The following GABPA variants were observed in gnomAD, a reference collection of about 807,000 sequenced individuals.
GABPA encodes GA binding protein transcription factor subunit alpha, also known as GA-binding protein alpha chain.
A neutral mutation model predicts 59.4 loss-of-function variants in GABPA; 4 were observed. The ratio of observed to expected loss-of-function variants is 0.07; its 90% confidence interval spans 0.03 to 0.15. The LOEUF (loss-of-function observed/expected upper bound fraction) is 0.15. GABPA is among the 10% of genes least tolerant of loss of function. The probability of loss-of-function intolerance (pLI) is 1.00; values close to 1 mark genes in which losing one functional copy is unlikely to be tolerated. For missense variants in GABPA, 251 were observed against 543.8 expected (o/e 0.46, Z 5.36); for synonymous variants, 164 against 183.1 (o/e 0.90, Z 0.84).
intron 1 of GABPA, among the ~76,000 whole-genome samples, chr21:25,737,454 T>G (rs1169263937): frequency 6.6e-6 from 1 of 152,246 alleles, no homozygotes; most frequent in Non-Finnish European, 1.5e-5. Flanking sequence ...TGACAGATCA[T>G]TTAAGAAACT....
rs2035441358 is a variant in GABPA at position 25,749,066 on chromosome 21, G to A, written c.253G>A (p.Gly85Arg). Residue 85 changes from glycine to arginine, a missense_variant, in exon 4 of 10, where the codon GGA (glycine) becomes AGA (arginine). Transcript: ENST00000400075. ...LDPERSLFDQGVKTDGTVQLS... is the reference protein window; with the variant it reads ...LDPERSLFDQRVKTDGTVQLS... ...TCCAGAACGAAGTTTATTTGACCAA[G>A]GAGTAAAAACAGATGGAACTGTACA... The A allele has an allele frequency of 6.2e-7, 1 of 1,609,368 alleles. No individual in the cohort carries two copies. Among genetic ancestry groups the A allele is most frequent in the Non-Finnish European group, 8.5e-7 (1 of 1,176,220 alleles).
rs71651624 is a variant in GABPA, at chr21:25,759,726, TC to T, written c.748+1523del. ...CCTGGTTGAAGCTTTGTCCTTGGTT[TC>T]ACAGATTTCCTTCCCTGCAGAGGTT... On this transcript the variant is annotated intron_variant, in intron 6 of 9. Transcript: ENST00000400075. Among the ~76,000 whole-genome samples, 235 of 152,316 alleles carry T rather than the reference TC, an allele frequency of 1.5e-3. 1 individual carries two copies. The highest frequency in any genetic ancestry group is 3.8e-3 in the African/African-American group (159 of 41,576).
At position 25,762,314 on chromosome 21, in the gene GABPA, G is replaced by A. The variant is rs751052998; in HGVS notation, c.751G>A (p.Val251Ile). The stretch of plus-strand genomic sequence containing the variant: ...CAAAAAATTTTTGTTTTTTTCAGAT[G>A]TATTGGCAAGTCAAGAACAACAGAT... Reference protein sequence around the residue: ...WSHLELLRKYVLASQEQQMNE... With the variant: ...WSHLELLRKYILASQEQQMNE... The change falls in exon 7 of 10, where the codon GTA becomes ATA. Residue 251 changes from valine (V) to isoleucine (I), a missense_variant and splice_region_variant. By Grantham distance (29) the Val-to-Ile change is conservative. Transcript: ENST00000400075. 1 of 1,558,052 alleles carries A rather than the reference G, an allele frequency of 6.4e-7. No homozygotes were observed. The highest frequency in any genetic ancestry group is 1.7e-4 in the Middle Eastern group (1 of 5,816).
At chr21:25,749,324 A>G (rs895480005) in intron 4 of GABPA, among the ~76,000 whole-genome samples, 3 of 152,206 alleles carry the variant, frequency 2.0e-5, no homozygotes, top group Non-Finnish European at 4.4e-5. Flanking sequence ...TCATAAAAGG[A>G]TATATTATAT....
At chr21:25,755,751 C>A (rs571406735) in intron 5 of GABPA, among the ~76,000 whole-genome samples, 5 of 152,182 alleles carry the variant, frequency 3.3e-5, no homozygotes, top group Middle Eastern at 3.4e-3. Context: ...ATTTAACTGG[C>A]CCCCCAAATG....
At chr21:25,752,335 T>C (rs1351540335) in intron 5 of GABPA, 101 bp downstream of exon 5, 8 of 1,175,278 alleles carry the variant, frequency 6.8e-6, no homozygotes, top group African/African-American at 1.6e-5. Context: ...TGTAGAGTTA[T>C]TAGGATGAAT....
chr21:25,745,223 A>G lies in GABPA; in HGVS notation c.91A>G (p.Thr31Ala). Residue 31 changes from threonine (T) to alanine (A), a missense_variant, in exon 3 of 10, where the codon ACC (threonine) becomes GCC (alanine). By Grantham distance (58) the Thr-to-Ala change is moderately conservative (BLOSUM62 0). Coordinates refer to ENST00000400075, the MANE Select transcript of GABPA (RefSeq NM_002040.4). ...TTTAACATTTAGCATTGTAGAACAAACCTACGCGCCAGCTGAATGTGTAAG... is the reference window on the plus strand; with the variant it reads ...TTTAACATTTAGCATTGTAGAACAAGCCTACGCGCCAGCTGAATGTGTAAG... ...ECTEESIVEQ[T>A]YAPAECVSQA... 1 of 1,613,164 alleles carries G rather than the reference A, an allele frequency of 6.2e-7. No homozygotes were observed.
At chr21:25,764,150 T>A in intron 7 of GABPA, 60 bp from the exon 8 acceptor site, 3 of 547,694 alleles carry the variant, frequency 5.5e-6, no homozygotes, top group Non-Finnish European at 7.8e-6. Flanking sequence ...CTTTCAGTAA[T>A]TTTTTTTTTT....
Position 25,758,127 on chromosome 21 carries a change from G to C in GABPA, c.671G>C (p.Ser224Thr). ...TLNISGRELC[S>T]LNQEDFFQRV... ...AACATTTCGGGGAGAGAATTATGTAGTCTCAACCAAGAAGATTTTTTTCAG... is the reference window on the plus strand; with the variant it reads ...AACATTTCGGGGAGAGAATTATGTACTCTCAACCAAGAAGATTTTTTTCAG... The change falls in exon 6 of 10, where the codon AGT becomes ACT. Residue 224 changes from serine to threonine, a missense_variant. Physicochemically the swap from Ser to Thr is moderately conservative, Grantham distance 58 (BLOSUM62 1). Transcript: ENST00000400075. 1 of 1,611,164 alleles carries C rather than the reference G, an allele frequency of 6.2e-7. No individual in the cohort carries two copies. Among genetic ancestry groups the C allele is most frequent in the Non-Finnish European group, 8.5e-7 (1 of 1,178,812 alleles).
chr21:25,754,407 G>T (rs984654474), intron 5 of GABPA, among the ~76,000 whole-genome samples: 3 of 152,054 alleles, frequency 2.0e-5, no homozygotes. Flanking sequence ...TGAATCTCTT[G>T]AGTTGATCTG....
intron 4 of GABPA, among the ~76,000 whole-genome samples, chr21:25,751,516 A>G (rs1262443919): frequency 6.6e-6 from 1 of 151,820 alleles, no homozygotes; most frequent in Non-Finnish European, 1.5e-5. Flanking sequence ...TAAATTTGGC[A>G]TAATTTTTAA....
chr21:25,744,452 G>A (rs1000853786), intron 2 of GABPA, among the ~76,000 whole-genome samples: 2 of 152,086 alleles, frequency 1.3e-5, no homozygotes, highest in Non-Finnish European at 2.9e-5. Context: ...AATGCATACT[G>A]TTTTTGACAA....
At chr21:25,745,068 AGCCT>A (rs71327962) in intron 2 of GABPA, 138 bp from the exon 3 acceptor site, 31,737 of 783,558 alleles carry the variant, frequency 0.041, 823 homozygotes, top group Non-Finnish European at 0.051. Context: ...GTTGGTGATG[AGCCT>A]GCCACAGTAT....
intron 1 of GABPA, among the ~76,000 whole-genome samples, chr21:25,737,322 G>A (rs1361034330): frequency 6.6e-6 from 1 of 152,178 alleles, no homozygotes; most frequent in Non-Finnish European, 1.5e-5. Context: ...AAAGAGATAA[G>A]ACTCACTCAA....
intron 2 of GABPA, 91 bp from the exon 3 acceptor site, chr21:25,745,116 GTGT>G: frequency 7.4e-7 from 1 of 1,346,794 alleles, no homozygotes; most frequent in Non-Finnish European, 1.0e-6. Flanking sequence ...GACCAGAAAT[GTGT>G]TTTGGTTTGG....
At chr21:25,759,057 A>G (rs568706254) in intron 6 of GABPA, among the ~76,000 whole-genome samples, 88 of 152,270 alleles carry the variant, frequency 5.8e-4, no homozygotes, top group African/African-American at 2.0e-3. Flanking sequence ...TGACAGAGCA[A>G]GAGTCTCAAT....
intron 7 of GABPA, 80 bp from the exon 8 acceptor site, chr21:25,764,130 G>A: frequency 7.9e-7 from 1 of 1,267,454 alleles, no homozygotes; most frequent in South Asian, 1.6e-5. Flanking sequence ...ATTAGTTAAA[G>A]TGATAATGTC....
chr21:25,759,972 C>CAA (rs1276257331), intron 6 of GABPA, among the ~76,000 whole-genome samples: 4 of 152,202 alleles, frequency 2.6e-5, no homozygotes, highest in Admixed American at 2.6e-4. Context: ...AAAGCTTATT[C>CAA]ATAGGCTTTT....
intron 1 of GABPA, among the ~76,000 whole-genome samples, chr21:25,738,656 A>T (rs574744440): frequency 6.6e-6 from 1 of 152,256 alleles, no homozygotes; most frequent in Admixed American, 6.5e-5. Context: ...AGTTCATTTT[A>T]TATGGTGTGA....
Sources: allele counts gnomAD v4.1 joint callset (sites outside exome capture counted in the v4.1 genomes callset), GRCh38; gene constraint gnomAD v4.1.1; transcripts MANE v1.5; gene names NCBI Gene and HGNC (gene_info 2026-07-23, HGNC 2026-07-21).